The following GALNT13 variants were observed in gnomAD, a reference collection of about 807,000 sequenced individuals.
GALNT13 encodes the protein UDP-GalNAc:polypeptide N-acetylgalactosaminyltransferase 13.
In GALNT13, 28 loss-of-function variants were observed where a neutral mutation model predicts 64.2. The observed-to-expected ratio is 0.44, with a 90% CI of 0.32 to 0.60. The LOEUF (loss-of-function observed/expected upper bound fraction) is 0.60, where lower values mean the gene tolerates loss of function less well. Among genes scored for constraint, GALNT13 ranks in the 20% least tolerant of loss-of-function variants. The pLI, the probability that GALNT13 is intolerant of heterozygous loss-of-function variation, is 0.05. For missense variants in GALNT13, 577 were observed against 669.8 expected (o/e 0.86, Z 1.53); for synonymous variants, 214 against 224.6 (o/e 0.95, Z 0.42).
chr2:154,211,629 C>CAAAAAAAAAAAAAA (rs140095331), intron 4 of GALNT13, among the ~76,000 whole-genome samples: 108 of 37,924 alleles, frequency 2.8e-3, no homozygotes, highest in Admixed American at 3.8e-3. Context: ...ACTCCATCTC[C>CAAAAAAAAAAAAAA]AAAAAAAAAA....
intron 3 of GALNT13, among the ~76,000 whole-genome samples, chr2:153,957,655 C>T (rs1421971107): frequency 6.6e-6 from 1 of 152,184 alleles, no homozygotes; most frequent in East Asian, 1.9e-4. Flanking sequence ...CTTGTCTAGG[C>T]ATCCCATCCC....
At chr2:154,113,417 A>T (rs532972928) in intron 3 of GALNT13, among the ~76,000 whole-genome samples, 1 of 152,252 alleles carries the variant, frequency 6.6e-6, no homozygotes, top group Non-Finnish European at 1.5e-5. Flanking sequence ...GCCCAGAGTA[A>T]CAAAGCCAAA....
At chr2:154,233,181 G>A (rs549897940) in intron 4 of GALNT13, among the ~76,000 whole-genome samples, 1 of 152,072 alleles carries the variant, frequency 6.6e-6, no homozygotes, top group Non-Finnish European at 1.5e-5. Context: ...TTTATTTCCT[G>A]ATCACCACCT....
the GALNT13 span, among the ~76,000 whole-genome samples, chr2:153,849,671 A>G: frequency 6.6e-6 from 1 of 152,312 alleles, no homozygotes; most frequent in Admixed American, 6.5e-5. Context: ...ATTAGAACCC[A>G]GCAGCCTCCC....
intron 9 of GALNT13, among the ~76,000 whole-genome samples, chr2:154,354,771 G>A (rs1172012171): frequency 6.6e-6 from 1 of 151,766 alleles, no homozygotes; most frequent in African/African-American, 2.4e-5. Flanking sequence ...TATTCCACCG[G>A]TCGATGTTTC....
At chr2:153,958,013 C>CT (rs1388563060) in intron 3 of GALNT13, among the ~76,000 whole-genome samples, 4 of 152,302 alleles carry the variant, frequency 2.6e-5, no homozygotes, top group African/African-American at 9.6e-5. Flanking sequence ...CACATGTACT[C>CT]TAAGTATTCC....
chr2:153,911,597 G>A (rs779141870), intron 2 of GALNT13, among the ~76,000 whole-genome samples: 8 of 152,136 alleles, frequency 5.3e-5, no homozygotes, highest in Non-Finnish European at 8.8e-5. Context: ...TTATAAGCGA[G>A]TTTGGTGGTA....
At chr2:153,822,309 T>C in the GALNT13 span, among the ~76,000 whole-genome samples, 11,313 of 152,112 alleles carry the variant, frequency 0.074, 500 homozygotes, top group African/African-American at 0.11. Context: ...TATTCTTGAT[T>C]AACATAGATG....
At chr2:153,759,395 A>G in the GALNT13 span, among the ~76,000 whole-genome samples, 3 of 152,124 alleles carry the variant, frequency 2.0e-5, no homozygotes, top group Admixed American at 2.0e-4. Context: ...TCTTATAGGG[A>G]AAGTTGCCAT....
At chr2:153,178,381 T>G in the GALNT13 span, among the ~76,000 whole-genome samples, 2 of 152,188 alleles carry the variant, frequency 1.3e-5, no homozygotes, top group African/African-American at 4.8e-5. Flanking sequence ...TTCTCTTTTG[T>G]CTTTTTGAAA....
the GALNT13 span, among the ~76,000 whole-genome samples, chr2:153,291,710 A>T: frequency 1.3e-5 from 2 of 148,528 alleles, no homozygotes; most frequent in African/African-American, 4.9e-5. Flanking sequence ...CATAATTTTT[A>T]GATATTTGCT....
chr2:153,283,584 G>A, the GALNT13 span, among the ~76,000 whole-genome samples: 4 of 152,132 alleles, frequency 2.6e-5, no homozygotes, highest in Admixed American at 1.3e-4. Context: ...ATCTGCTAGG[G>A]CATGGAGTGG....
the GALNT13 span, among the ~76,000 whole-genome samples, chr2:153,410,347 G>C: frequency 0.8 from 120,963 of 152,064 alleles, 49,071 homozygotes; most frequent in African/African-American, 0.88. Flanking sequence ...CCTCCTGCCT[G>C]TGCTTCCCAA....
In GALNT13 at chr2:154,107,386, T is replaced by C. The variant is rs567326757; in HGVS notation, c.143-32951T>C. Reference sequence around the variant, plus strand: ...GAGGTGGGCAGATCACGAGGTCAGATTGAGACCATCCTGGCCAACATGGTG... The same window carrying C: ...GAGGTGGGCAGATCACGAGGTCAGACTGAGACCATCCTGGCCAACATGGTG... On this transcript the variant is annotated intron_variant, in intron 3 of 12. Coordinates refer to ENST00000392825, the MANE Select transcript of GALNT13 (RefSeq NM_052917.4). 1.5e-4 allele frequency among the ~76,000 whole-genome samples: 23 copies of C among 152,088 alleles called. No individual in the cohort carries two copies. In the South Asian group the frequency reaches 3.3e-3, roughly 22 times the overall value.
At chr2:154,123,459 C>A (rs911462307) in intron 3 of GALNT13, among the ~76,000 whole-genome samples, 3 of 151,796 alleles carry the variant, frequency 2.0e-5, no homozygotes, top group African/African-American at 7.3e-5. Context: ...TAAATATTTC[C>A]TATTTATAAA....
At chr2:153,432,705 T>A in the GALNT13 span, among the ~76,000 whole-genome samples, 3 of 151,598 alleles carry the variant, frequency 2.0e-5, no homozygotes, top group Non-Finnish European at 4.4e-5. Flanking sequence ...CTTTGCAGAG[T>A]TTTTGGCTGG....
At chr2:153,287,322 A>G in the GALNT13 span, among the ~76,000 whole-genome samples, 1 of 151,948 alleles carries the variant, frequency 6.6e-6, no homozygotes, top group African/African-American at 2.4e-5. Flanking sequence ...GGCGTGTGTT[A>G]CCATGCCACT....
intron 3 of GALNT13, among the ~76,000 whole-genome samples, chr2:153,983,348 C>T (rs1446446412): frequency 2.0e-5 from 3 of 151,768 alleles, no homozygotes; most frequent in South Asian, 2.1e-4. Context: ...TTTTAAAAAA[C>T]GTATCTCAAT....
intron 2 of GALNT13, among the ~76,000 whole-genome samples, chr2:153,936,624 CTTG>C (rs1690939711): frequency 6.6e-6 from 1 of 152,156 alleles, no homozygotes. Flanking sequence ...ATGAACCATA[CTTG>C]TGTTTCAGGC....
Sources: gnomAD v4.1 joint callset for allele counts (sites outside exome capture counted in the v4.1 genomes callset) on GRCh38, gnomAD v4.1.1 for gene constraint, MANE v1.5 for transcripts, NCBI Gene and HGNC (gene_info 2026-07-23, HGNC 2026-07-21) for gene names.